KLF1: variants seen among roughly 807,000 people sequenced by gnomAD.
KLF1 encodes the protein KLF transcription factor 1, also known as Krueppel-like factor 1.
KLF1 carries 29 observed loss-of-function variants against 28.0 expected under a neutral mutation model. The observed-to-expected ratio is 1.04, with a 90% CI of 0.77 to 1.41. The LOEUF is 1.41. Among genes scored for constraint, KLF1 ranks in the 40% most tolerant of loss-of-function variants. The pLI is 0.00. For synonymous variants in KLF1, 262 were observed against 242.6 expected (o/e 1.08, Z -0.74); for missense variants, 508 against 515.1 (o/e 0.99, Z 0.13).
Position 12,885,380 on chromosome 19 carries a change from GGTGCGCGCACGT to G in KLF1, c.838_849del (p.Thr280_His283del). On this transcript the variant is annotated inframe_deletion, in exon 2 of 3. Coordinates refer to ENST00000264834, the MANE Select transcript of KLF1 (RefSeq NM_006563.5). This position sits in a 1 kb window ranked among gnomAD's most constrained non-coding sequence, Gnocchi z 5.6. ...TTGGTGTAGCTCTTGCCGCAACCCG[GGTGCGCGCACGT>G]GTGCGCTGCCTGCCTCTTGCGCGCC... 2 of 1,606,018 alleles carry G rather than the reference GGTGCGCGCACGT, an allele frequency of 1.2e-6. No homozygotes were observed.
rs2145926336 is a variant in KLF1, at chr19:12,884,559, G to C, written c.*326C>G. On this transcript the variant is annotated 3_prime_UTR_variant, in exon 3 of 3. Coordinates refer to ENST00000264834, the MANE Select transcript of KLF1 (RefSeq NM_006563.5). ...ATCCCACACCCTCTCCTGCTGTCCA[G>C]GGCCATCTGGGAGCTGGTCTGAGTG... 7 of 413,836 alleles carry C rather than the reference G, an allele frequency of 1.7e-5. No homozygotes were observed. Among genetic ancestry groups the C allele is most frequent in the South Asian group, 1.3e-4 (6 of 44,530 alleles). The allele number at this position is 413,836 out of a possible 1,614,324, so 25.6% of individuals were successfully genotyped here. A position where few individuals can be genotyped will look rare whatever the true frequency, so the allele number is the denominator to read the frequency against.
intron 1 of KLF1, 107 bp from the exon 2 acceptor site, chr19:12,886,249 G>T: frequency 1.3e-6 from 1 of 777,382 alleles, no homozygotes; most frequent in Non-Finnish European, 2.0e-6. Flanking sequence ...AAGGGGTCTT[G>T]TTTGCCTGTC....
rs1970422370 is a variant in KLF1 at position 12,885,137 on chromosome 19, T to C, written c.914-77A>G. 1 of 1,532,416 alleles carries C rather than the reference T, an allele frequency of 6.5e-7. No individual in the cohort carries two copies. The highest frequency in any genetic ancestry group is 8.9e-7 in the Non-Finnish European group (1 of 1,126,906). 94.9% of individuals were successfully genotyped at this position (1,532,416 alleles called of 1,614,324 possible). On this transcript the variant is annotated intron_variant, in intron 2 of 2. Transcript: ENST00000264834. The surrounding 1 kb of genome is among the most constrained non-coding windows in gnomAD (Gnocchi z 5.6). ...GGTCCCCTGCATCTGGCCACACCCC[T>C]TTACTCAGCCTGGGCTGGGACTAGG...
intron 1 of KLF1, 89 bp from the exon 2 acceptor site, chr19:12,886,231 G>T: frequency 2.1e-6 from 2 of 933,554 alleles, no homozygotes; most frequent in Admixed American, 2.4e-5. Context: ...TGACGCAGAG[G>T]CTTTGGAAAG....
rs757861047 is a variant in KLF1 at position 12,885,473 on chromosome 19, C to T, written c.757G>A (p.Glu253Lys). 5.6e-5 allele frequency: 90 copies of T among 1,603,574 alleles called. No individual in the cohort carries two copies. The highest frequency in any genetic ancestry group is 6.6e-5 in the Non-Finnish European group (78 of 1,175,900). Residue 253 changes from glutamate to lysine, a missense_variant, in exon 2 of 3, where the codon GAG (glutamate) becomes AAG (lysine). Transcript: ENST00000264834. This position sits in a 1 kb window ranked among gnomAD's most constrained non-coding sequence, Gnocchi z 5.6. ...GTCTCGGCTATCACACCTGGATCCT[C>T]TGCAGTCCCCCCGAGTCCAGTGCCC... ...TVGTGLGGTA[E>K]DPGVIAETAP...
Position 12,885,388 on chromosome 19 carries a change from C to T in KLF1, c.842G>A (p.Cys281Tyr). ...GCTCTTGCCGCAACCCGGGTGCGCG[C>T]ACGTGTGCGCTGCCTGCCTCTTGCG... is the stretch of plus-strand genomic sequence containing the variant. ...WARKRQAAHT[C>Y]AHPGCGKSYT... Residue 281 changes from cysteine (C) to tyrosine (Y), a missense_variant, in exon 2 of 3, where the codon TGC becomes TAC. Physicochemically the swap from Cys to Tyr is radical, Grantham distance 194 (BLOSUM62 -2). Coordinates refer to ENST00000264834, the MANE Select transcript of KLF1 (RefSeq NM_006563.5). The surrounding 1 kb of genome is among the most constrained non-coding windows in gnomAD (Gnocchi z 5.6). The T allele has an allele frequency of 6.2e-7, 1 of 1,606,024 alleles. No individual in the cohort carries two copies. Among genetic ancestry groups the T allele is most frequent in the Non-Finnish European group, 8.5e-7 (1 of 1,176,850 alleles).
Position 12,885,349 on chromosome 19 carries a change from G to GAGCTCTTGGTGT in KLF1, c.869_880dup (p.Tyr290_Ser293dup). 6.2e-7 allele frequency: 1 copy of GAGCTCTTGGTGT among 1,600,862 alleles called. No homozygotes were observed. The highest frequency in any genetic ancestry group is 8.5e-7 in the Non-Finnish European group (1 of 1,174,118). On this transcript the variant is annotated inframe_insertion, in exon 2 of 3. Coordinates refer to ENST00000264834, the MANE Select transcript of KLF1 (RefSeq NM_006563.5). This position sits in a 1 kb window ranked among gnomAD's most constrained non-coding sequence, Gnocchi z 5.6. The stretch of plus-strand genomic sequence containing the variant: ...CGTGCGCAGATGCGCCTTCAGGTGG[G>GAGCTCTTGGTGT]AGCTCTTGGTGTAGCTCTTGCCGCA...
Position 12,885,945 on chromosome 19 carries a change from A to T in KLF1, c.285T>A (p.Ala95=). ...CCCCGGAGGCCTCGCTGGGCGCCAG[A>T]GCGCAGGTCTGGGGCGCGCCACCGG... The part of the protein sequence containing the change: ...PEPGGAPQTC[A]LAPSEASGAQ... The change falls in exon 2 of 3, where the codon GCT becomes GCA. Residue 95 remains alanine (A), a synonymous_variant. Transcript: ENST00000264834. This position sits in a 1 kb window ranked among gnomAD's most constrained non-coding sequence, Gnocchi z 5.6. 1 of 1,565,122 alleles carries T rather than the reference A, an allele frequency of 6.4e-7. No individual in the cohort carries two copies. The highest frequency in any genetic ancestry group is 8.7e-7 in the Non-Finnish European group (1 of 1,155,298).
At chr19:12,886,467 T>TGA (rs1004330846) in intron 1 of KLF1, among the ~76,000 whole-genome samples, 1 of 152,052 alleles carries the variant, frequency 6.6e-6, no homozygotes, top group Admixed American at 6.6e-5. Context: ...ATGCCAGCCT[T>TGA]GACTTAGTTT....
chr19:12,886,281 A>G, intron 1 of KLF1, 139 bp from the exon 2 acceptor site: 1 of 627,058 alleles, frequency 1.6e-6, no homozygotes, highest in Non-Finnish European at 2.7e-6. Flanking sequence ...CTTCCCCAAC[A>G]CTGCCCCTCT....
In KLF1 at chr19:12,885,562, T is replaced by A. The variant is rs753726034; in HGVS notation, c.668A>T (p.Gln223Leu). Residue 223 changes from glutamine (Q) to leucine (L), a missense_variant, in exon 2 of 3, where the codon CAG becomes CTG. Physicochemically the swap from Gln to Leu is moderately radical, Grantham distance 113. Coordinates refer to ENST00000264834, the MANE Select transcript of KLF1 (RefSeq NM_006563.5). The surrounding 1 kb of genome is among the most constrained non-coding windows in gnomAD (Gnocchi z 5.6). ...QGHFQLFRGLQGPAPGPATSP... is the reference protein window; with the variant it reads ...QGHFQLFRGLLGPAPGPATSP... ...CGTGGCGGGACCGGGCGCGGGTCCC[T>A]GGAGCCCGCGGAAGAGCTGGAAGTG... 3 of 1,565,510 alleles carry A rather than the reference T, an allele frequency of 1.9e-6. No homozygotes were observed. Among genetic ancestry groups the A allele is most frequent in the Non-Finnish European group, 2.6e-6 (3 of 1,155,780 alleles).
Position 12,886,157 on chromosome 19 carries a change from AG to A in KLF1, c.88-16del. 1 of 1,587,368 alleles carries A rather than the reference AG, an allele frequency of 6.3e-7. No homozygotes were observed. The highest frequency in any genetic ancestry group is 8.5e-7 in the Non-Finnish European group (1 of 1,171,038). On this transcript the variant is annotated splice_polypyrimidine_tract_variant and intron_variant, in intron 1 of 2. Transcript: ENST00000264834. ...GAGCGCCACCACTGCGGGAGGGAGC[AG>A]GCAGCTCGAGGTTCGGTGGACACTG...
Position 12,885,181 on chromosome 19 carries a change from CT to C in KLF1, c.914-122del, listed in dbSNP as rs982571581. On this transcript the variant is annotated intron_variant, in intron 2 of 2. Coordinates refer to ENST00000264834, the MANE Select transcript of KLF1 (RefSeq NM_006563.5). This position sits in a 1 kb window ranked among gnomAD's most constrained non-coding sequence, Gnocchi z 5.6. ...GACTAGGATGAACAAAGTGAGGCCC[CT>C]AGGGCACAAAATTTAAGGAGGCACT... 7.2e-7 allele frequency: 1 copy of C among 1,390,672 alleles called. No individual in the cohort carries two copies. Among genetic ancestry groups the C allele is most frequent in the African/African-American group, 1.4e-5 (1 of 69,784 alleles). The allele number at this position is 1,390,672 out of a possible 1,614,324, so 86.1% of individuals were successfully genotyped here. A position where few individuals can be genotyped will look rare whatever the true frequency, so the allele number is the denominator to read the frequency against.
At position 12,885,706 on chromosome 19, in the gene KLF1, G is replaced by C; in HGVS notation, c.524C>G (p.Ala175Gly). The change falls in exon 2 of 3, where the codon GCC becomes GGC. Residue 175 changes from alanine to glycine, a missense_variant. Coordinates refer to ENST00000264834, the MANE Select transcript of KLF1 (RefSeq NM_006563.5). This position sits in a 1 kb window ranked among gnomAD's most constrained non-coding sequence, Gnocchi z 5.6. Reference sequence around the variant, plus strand: ...CGGGAAGTAGCCACCCGAGGAGCCGGCGCCGGGCCCCGGGTACACCGGTTG... The same window carrying C: ...CGGGAAGTAGCCACCCGAGGAGCCGCCGCCGGGCCCCGGGTACACCGGTTG... ...ALQPVYPGPGAGSSGGYFPRT... is the reference protein window; with the variant it reads ...ALQPVYPGPGGGSSGGYFPRT... The C allele has an allele frequency of 6.6e-7, 1 of 1,525,872 alleles. No individual in the cohort carries two copies. The highest frequency in any genetic ancestry group is 8.8e-7 in the Non-Finnish European group (1 of 1,136,170). The allele number at this position is 1,525,872 out of a possible 1,614,324, so 94.5% of individuals were successfully genotyped here. A position where few individuals can be genotyped will look rare whatever the true frequency, so the allele number is the denominator to read the frequency against.
At position 12,885,758 on chromosome 19, in the gene KLF1, C is replaced by G. The variant is rs869099794; in HGVS notation, c.472G>C (p.Ala158Pro). The G allele has an allele frequency of 1.3e-6, 2 of 1,510,056 alleles. No homozygotes were observed. Among genetic ancestry groups the G allele is most frequent in the African/African-American group, 1.4e-5 (1 of 71,480 alleles). The allele number at this position is 1,510,056 out of a possible 1,614,324, so 93.5% of individuals were successfully genotyped here. The change falls in exon 2 of 3, where the codon GCC becomes CCC. Residue 158 changes from alanine to proline, a missense_variant. Ala to Pro is a conservative substitution (Grantham distance 27). Coordinates refer to ENST00000264834, the MANE Select transcript of KLF1 (RefSeq NM_006563.5). The surrounding 1 kb of genome is among the most constrained non-coding windows in gnomAD (Gnocchi z 5.6). Reference protein sequence around the residue: ...FVGPALAPAPAPEPKALALQP... With the variant: ...FVGPALAPAPPPEPKALALQP... ...AGCGCCAGCGCCTTGGGCTCGGGGG[C>G]CGGGGCTGGAGCCAGGGCTGGGCCC... is the stretch of plus-strand genomic sequence containing the variant.
Position 12,885,262 on chromosome 19 carries a change from TG to T in KLF1, c.913+54del. 6.7e-7 allele frequency: 1 copy of T among 1,482,478 alleles called. No individual in the cohort carries two copies. The highest frequency in any genetic ancestry group is 1.4e-5 in the African/African-American group (1 of 71,794). The allele number at this position is 1,482,478 out of a possible 1,614,324, so 91.8% of individuals were successfully genotyped here. A position where few individuals can be genotyped will look rare whatever the true frequency, so the allele number is the denominator to read the frequency against. ...CCGCCCTCTGCAACCCTTCTTCCCC[TG>T]TAACTACAGCGGGCGCCGCGCCCTT... On this transcript the variant is annotated intron_variant, in intron 2 of 2. Coordinates refer to ENST00000264834, the MANE Select transcript of KLF1 (RefSeq NM_006563.5). This position sits in a 1 kb window ranked among gnomAD's most constrained non-coding sequence, Gnocchi z 5.6.
At position 12,886,011 on chromosome 19, in the gene KLF1, C is replaced by T. The variant is rs1338620758; in HGVS notation, c.219G>A (p.Trp73Ter). 1 of 1,599,930 alleles carries T rather than the reference C, an allele frequency of 6.3e-7. No homozygotes were observed. The highest frequency in any genetic ancestry group is 8.5e-7 in the Non-Finnish European group (1 of 1,174,066). ...EDDERGADAT[W>*]DLDLLLTNFS... ...AGTTGGTGAGGAGGAGATCCAGGTC[C>T]CAGGTGGCGTCCGCGCCCCTCTCAT... Residue 73 changes from tryptophan to a stop codon, truncating the protein, a stop_gained, in exon 2 of 3, where the codon TGG (tryptophan) becomes TGA (stop). Transcript: ENST00000264834. LOFTEE classifies it high-confidence loss of function.
At position 12,884,967 on chromosome 19, in the gene KLF1, T is replaced by C. The variant is rs753039322; in HGVS notation, c.1007A>G (p.Gln336Arg). ...GCAGAGCTGGCAGCGGAAGGGGCGC[T>C]GCCCCGTGTGTTTCCGGTAGTGGCG... ...LTRHYRKHTG[Q>R]RPFRCQLCPR... The change falls in exon 3 of 3, where the codon CAG becomes CGG. Residue 336 changes from glutamine to arginine, a missense_variant. Coordinates refer to ENST00000264834, the MANE Select transcript of KLF1 (RefSeq NM_006563.5). 1.2e-6 allele frequency: 2 copies of C among 1,613,634 alleles called. No homozygotes were observed.
rs1568421035 is a variant in KLF1 at position 12,885,891 on chromosome 19, CAG to C, written c.337_338del (p.Leu113GlyfsTer239). 1 of 1,552,148 alleles carries C rather than the reference CAG, an allele frequency of 6.4e-7. No individual in the cohort carries two copies. Among genetic ancestry groups the C allele is most frequent in the South Asian group, 1.2e-5 (1 of 84,288 alleles). On this transcript the variant is annotated frameshift_variant, in exon 2 of 3. Coordinates refer to ENST00000264834, the MANE Select transcript of KLF1 (RefSeq NM_006563.5). LOFTEE classifies it high-confidence loss of function. The surrounding 1 kb of genome is among the most constrained non-coding windows in gnomAD (Gnocchi z 5.6). ...GAQYPPPPET[L>X]GAYAGGPGLV... ...GCCCCGGGCCGCCAGCATATGCGCC[CAG>C]AGTCTCGGGCGGCGGCGGATATTGC...
Sources: allele counts gnomAD v4.1 joint callset (sites outside exome capture counted in the v4.1 genomes callset), GRCh38; gene constraint gnomAD v4.1.1; non-coding constraint Gnocchi (gnomAD v3.1); transcripts MANE v1.5; gene names NCBI Gene and HGNC (gene_info 2026-07-23, HGNC 2026-07-21).